Variants in TMOD2 observed in about 807,000 individuals in gnomAD.
TMOD2 encodes tropomodulin-2.
A neutral mutation model predicts 39.9 loss-of-function variants in TMOD2; 22 were observed. The observed-to-expected ratio is 0.55, with a 90% CI of 0.39 to 0.79. TMOD2 has a LOEUF of 0.79. TMOD2 is among the 30% of genes least tolerant of loss of function. The pLI, the probability that TMOD2 is intolerant of heterozygous loss-of-function variation, is 0.00. For missense variants in TMOD2, 386 were observed against 413.3 expected (o/e 0.93, Z 0.57); for synonymous variants, 123 against 146.1 (o/e 0.84, Z 1.14).
At chr15:51,800,403 G>T (rs1451687939) in intron 8 of TMOD2, among the ~76,000 whole-genome samples, 1 of 152,184 alleles carries the variant, frequency 6.6e-6, no homozygotes, top group African/African-American at 2.4e-5. Flanking sequence ...AGGTGTGGTG[G>T]CACATGCCTA....
chr15:51,758,187 C>A (rs984947377), intron 1 of TMOD2, among the ~76,000 whole-genome samples: 5 of 151,970 alleles, frequency 3.3e-5, no homozygotes, highest in African/African-American at 4.8e-5. Flanking sequence ...ACTTTGAGAT[C>A]CCCTGGTACA....
chr15:51,808,518 C>T lies in TMOD2; in HGVS notation c.*64C>T, dbSNP rs2056135661. 1.4e-6 allele frequency: 2 copies of T among 1,398,570 alleles called. No individual in the cohort carries two copies. The highest frequency in any genetic ancestry group is 2.5e-5 in the South Asian group (2 of 80,082). 86.6% of individuals were successfully genotyped at this position (1,398,570 alleles called of 1,614,324 possible). Reference sequence around the variant, plus strand: ...CCATTGAAAAACAAAAACTCTTCTTCTTCCCCATCAGGACCATTTTATCAA... The same window carrying T: ...CCATTGAAAAACAAAAACTCTTCTTTTTCCCCATCAGGACCATTTTATCAA... On this transcript the variant is annotated 3_prime_UTR_variant, in exon 10 of 10. Transcript: ENST00000249700.
In TMOD2 at chr15:51,815,317, G is replaced by A. The variant is rs1352795352; in HGVS notation, c.*6863G>A. The A allele has an allele frequency of 2.0e-5, 3 of 152,500 alleles. No individual in the cohort carries two copies. Among genetic ancestry groups the A allele is most frequent in the East Asian group, 1.9e-4 (1 of 5,220 alleles). The allele number at this position is 152,500 out of a possible 1,614,324, so 9.4% of individuals were successfully genotyped here. ...GCTCCTCAGAACCAGTGGGGAAGAA[G>A]AGGGAAGGCAAAGAAAGAAACTGAG... On this transcript the variant is annotated 3_prime_UTR_variant, in exon 10 of 10. Coordinates refer to ENST00000249700, the MANE Select transcript of TMOD2 (RefSeq NM_014548.4).
At chr15:51,793,749 T>G (rs1249854045) in intron 7 of TMOD2, among the ~76,000 whole-genome samples, 1 of 152,210 alleles carries the variant, frequency 6.6e-6, no homozygotes, top group African/African-American at 2.4e-5. Context: ...TTAAAAGAAA[T>G]TGGCAAGATC....
At chr15:51,798,138 A>C in intron 7 of TMOD2, 59 bp from the exon 8 acceptor site, 1 of 1,482,764 alleles carries the variant, frequency 6.7e-7, no homozygotes, top group South Asian at 1.3e-5. Flanking sequence ...GGGGTTTAGT[A>C]AATTAATCTT....
At chr15:51,785,201 A>G (rs1245157562) in intron 7 of TMOD2, among the ~76,000 whole-genome samples, 1 of 151,570 alleles carries the variant, frequency 6.6e-6, no homozygotes, top group African/African-American at 2.4e-5. Context: ...TCATGAGGTC[A>G]GGAGATCGAG....
intron 9 of TMOD2, among the ~76,000 whole-genome samples, chr15:51,807,869 A>T (rs1477100224): frequency 6.6e-6 from 1 of 152,206 alleles, no homozygotes; most frequent in Non-Finnish European, 1.5e-5. Context: ...CAGTCTCGGC[A>T]ACTTCTTCGG....
intron 1 of TMOD2, among the ~76,000 whole-genome samples, chr15:51,756,901 A>G (rs1212291701): frequency 1.3e-5 from 2 of 152,202 alleles, no homozygotes; most frequent in Non-Finnish European, 2.9e-5. Context: ...TCAAATAGCT[A>G]CATTACAAAA....
chr15:51,787,745 C>T (rs1478701166), intron 7 of TMOD2, among the ~76,000 whole-genome samples: 2 of 152,224 alleles, frequency 1.3e-5, no homozygotes, highest in Admixed American at 6.5e-5. Context: ...CAGCAAACTC[C>T]AGCAGACGTG....
chr15:51,762,012 G>A (rs2055784313), intron 1 of TMOD2, among the ~76,000 whole-genome samples: 1 of 151,924 alleles, frequency 6.6e-6, no homozygotes, highest in Non-Finnish European at 1.5e-5. Context: ...ATCCGGGCGT[G>A]GTGGCGGGCA....
chr15:51,794,779 T>C (rs1017992934), intron 7 of TMOD2, among the ~76,000 whole-genome samples: 2 of 152,206 alleles, frequency 1.3e-5, no homozygotes, highest in African/African-American at 4.8e-5. Flanking sequence ...TTTTATTCTC[T>C]ATTATAAAAG....
chr15:51,782,791 G>C lies in TMOD2; in HGVS notation c.695G>C (p.Ser232Thr). 1 of 1,614,052 alleles carries C rather than the reference G, an allele frequency of 6.2e-7. No individual in the cohort carries two copies. Among genetic ancestry groups the C allele is most frequent in the South Asian group, 1.1e-5 (1 of 91,074 alleles). ...LETNTHVKKF[S>T]LAATRSNDPV... Reference sequence around the variant, plus strand: ...ACCAACACTCACGTGAAGAAGTTCAGCCTGGCCGCAACTCGCAGCAATGAC... The same window carrying C: ...ACCAACACTCACGTGAAGAAGTTCACCCTGGCCGCAACTCGCAGCAATGAC... Residue 232 changes from serine (S) to threonine (T), a missense_variant, in exon 7 of 10, where the codon AGC becomes ACC. Transcript: ENST00000249700.
intron 3 of TMOD2, among the ~76,000 whole-genome samples, chr15:51,770,333 T>C (rs942059571): frequency 6.6e-6 from 1 of 152,222 alleles, no homozygotes; most frequent in African/African-American, 2.4e-5. Context: ...CTTCTCTCTA[T>C]CATGACAGCT....
chr15:51,797,139 G>A (rs1253175884), intron 7 of TMOD2, among the ~76,000 whole-genome samples: 2 of 152,316 alleles, frequency 1.3e-5, no homozygotes, highest in African/African-American at 4.8e-5. Flanking sequence ...AACTGAAACC[G>A]CAGATTGCAG....
In TMOD2 at chr15:51,751,628, C is replaced by T. The variant is rs2055703353; in HGVS notation, c.-154C>T. ...CGCCGCGCTCGCCCCGGCCACGGCG[C>T]CGCCCCTGTTCTCCCGGCCCCGCTC... On this transcript the variant is annotated 5_prime_UTR_variant, in exon 1 of 10. Transcript: ENST00000249700. The T allele has an allele frequency of 5.1e-6, 1 of 196,728 alleles. No individual in the cohort carries two copies. Among genetic ancestry groups the T allele is most frequent in the East Asian group, 1.2e-4 (1 of 8,184 alleles). The allele number at this position is 196,728 out of a possible 1,614,324, so 12.2% of individuals were successfully genotyped here.
intron 7 of TMOD2, among the ~76,000 whole-genome samples, chr15:51,793,352 GA>G (rs1275147692): frequency 2.0e-5 from 3 of 152,166 alleles, no homozygotes; most frequent in Non-Finnish European, 4.4e-5. Flanking sequence ...AAAATATAAT[GA>G]GGTATTTTGC....
At chr15:51,795,909 A>C (rs8041268) in intron 7 of TMOD2, among the ~76,000 whole-genome samples, 6 of 107,886 alleles carry the variant, frequency 5.6e-5, no homozygotes, top group Admixed American at 1.1e-4. Context: ...CCCACCCCCC[A>C]CCCGACTTTT....
In TMOD2 at chr15:51,751,729, G is replaced by T. The variant is rs1362607778; in HGVS notation, c.-70+17G>T. The T allele has an allele frequency of 6.6e-6, 1 of 152,094 alleles. No homozygotes were observed. The highest frequency in any genetic ancestry group is 2.1e-4 in the South Asian group (1 of 4,858). 9.4% of individuals were successfully genotyped at this position (152,094 alleles called of 1,614,324 possible). Reference sequence around the variant, plus strand: ...CACGGACGGGTGAGCGCCCCGGGGGGCGGGTGGGGCCTGTTCTGGACAGCC... The same window carrying T: ...CACGGACGGGTGAGCGCCCCGGGGGTCGGGTGGGGCCTGTTCTGGACAGCC... On this transcript the variant is annotated intron_variant, in intron 1 of 9. Transcript: ENST00000249700.
chr15:51,754,050 G>GT (rs1208827320), intron 1 of TMOD2, among the ~76,000 whole-genome samples: 1 of 152,006 alleles, frequency 6.6e-6, no homozygotes. Context: ...GGAGGTGTGA[G>GT]TGGGGGGGAC....
Sources: allele counts gnomAD v4.1 joint callset (sites outside exome capture counted in the v4.1 genomes callset), GRCh38; gene constraint gnomAD v4.1.1; transcripts MANE v1.5; gene names NCBI Gene and HGNC (gene_info 2026-07-23, HGNC 2026-07-21).